FOXP2: variants seen among roughly 807,000 people sequenced by gnomAD.
FOXP2 encodes the protein forkhead box protein P2.
In FOXP2, 12 loss-of-function variants were observed where a neutral mutation model predicts 115.8. That is an observed-to-expected ratio of 0.10 (90% CI 0.07 to 0.17). FOXP2 has a LOEUF of 0.17. FOXP2 is among the 10% of genes least tolerant of loss of function. FOXP2 has a pLI of 1.00. For synonymous variants in FOXP2, 328 were observed against 297.7 expected (o/e 1.10, Z -1.05); for missense variants, 629 against 843.5 (o/e 0.75, Z 3.15).
intron 3 of FOXP2, among the ~76,000 whole-genome samples, chr7:114,594,263 A>G (rs1250247540): frequency 1.3e-5 from 2 of 152,046 alleles, no homozygotes; most frequent in Non-Finnish European, 2.9e-5. Context: ...AAGTTCACCT[A>G]TTAAATTTGC....
Position 114,690,074 on chromosome 7 carries a change from C to A in FOXP2, c.*148C>A. 2 of 922,628 alleles carry A rather than the reference C, an allele frequency of 2.2e-6. No individual in the cohort carries two copies. The highest frequency in any genetic ancestry group is 2.6e-5 in the East Asian group (1 of 38,696). 57.2% of individuals were successfully genotyped at this position (922,628 alleles called of 1,614,324 possible). A position where few individuals can be genotyped will look rare whatever the true frequency, so the allele number is the denominator to read the frequency against. On this transcript the variant is annotated 3_prime_UTR_variant, in exon 17 of 17. Coordinates refer to ENST00000350908, the MANE Select transcript of FOXP2 (RefSeq NM_014491.4). ...GCCCTAAAGGAACTTACTAAGCCAG[C>A]CCTTTGGGATTCAGTACCAACAGGC...
At chr7:114,384,940 T>G (rs868250825) in intron 2 of FOXP2, among the ~76,000 whole-genome samples, 1 of 152,038 alleles carries the variant, frequency 6.6e-6, no homozygotes, top group South Asian at 2.1e-4. Flanking sequence ...AATTATAGGT[T>G]TTAAATTTAC....
chr7:114,583,216 A>T (rs144432712), intron 3 of FOXP2, among the ~76,000 whole-genome samples: 28 of 151,978 alleles, frequency 1.8e-4, no homozygotes, highest in African/African-American at 6.8e-4. Context: ...ACCCGCCTCT[A>T]CTAAAACCCA....
At chr7:114,518,886 A>T (rs1798475962) in intron 2 of FOXP2, among the ~76,000 whole-genome samples, 1 of 152,204 alleles carries the variant, frequency 6.6e-6, no homozygotes, top group East Asian at 1.9e-4. Flanking sequence ...GTAAGTAGAC[A>T]TAGAAATGAC....
chr7:114,681,482 A>G (rs531436306), intron 16 of FOXP2, among the ~76,000 whole-genome samples: 8 of 152,316 alleles, frequency 5.3e-5, no homozygotes, highest in African/African-American at 1.9e-4. Context: ...AATGTGATGC[A>G]GGCCTGGATC....
intron 2 of FOXP2, among the ~76,000 whole-genome samples, chr7:114,321,573 A>C (rs1318240337): frequency 6.6e-6 from 1 of 152,088 alleles, no homozygotes; most frequent in Non-Finnish European, 1.5e-5. Context: ...TGCTACAAAC[A>C]ATTGTTTAGA....
chr7:114,327,341 T>A (rs1797582186), intron 2 of FOXP2, among the ~76,000 whole-genome samples: 1 of 152,206 alleles, frequency 6.6e-6, no homozygotes. Flanking sequence ...AGCATTAAAA[T>A]TCTTATCTGG....
intron 1 of FOXP2, among the ~76,000 whole-genome samples, chr7:114,212,990 T>A (rs1399769789): frequency 6.6e-6 from 1 of 152,228 alleles, no homozygotes; most frequent in African/African-American, 2.4e-5. Context: ...AAGCCCTTGA[T>A]AAATGGTTGC....
At chr7:114,650,786 C>G (rs1028376936) in intron 8 of FOXP2, among the ~76,000 whole-genome samples, 7 of 151,890 alleles carry the variant, frequency 4.6e-5, no homozygotes, top group African/African-American at 1.7e-4. Context: ...CCTTATCCAC[C>G]TTGCTATTTT....
intron 3 of FOXP2, among the ~76,000 whole-genome samples, chr7:114,612,585 A>G (rs1355001023): frequency 1.3e-5 from 2 of 152,120 alleles, no homozygotes; most frequent in Non-Finnish European, 2.9e-5. Context: ...CTTTTGAGGG[A>G]AATGTGATGA....
intron 3 of FOXP2, among the ~76,000 whole-genome samples, chr7:114,588,379 A>G (rs1355202770): frequency 6.6e-6 from 1 of 152,114 alleles, no homozygotes; most frequent in African/African-American, 2.4e-5. Context: ...TAATGCCTGC[A>G]TGTTTAAAAG....
intron 1 of FOXP2, among the ~76,000 whole-genome samples, chr7:114,287,236 A>G (rs1316685255): frequency 6.6e-6 from 1 of 151,852 alleles, no homozygotes; most frequent in East Asian, 1.9e-4. Flanking sequence ...AACACTAACG[A>G]TAGCTGATGA....
intron 3 of FOXP2, among the ~76,000 whole-genome samples, chr7:114,607,918 T>A (rs1003789999): frequency 6.6e-6 from 1 of 152,226 alleles, no homozygotes; most frequent in Non-Finnish European, 1.5e-5. Context: ...AATTTTACAA[T>A]TTTTTATCAA....
chr7:114,156,980 G>A (rs1021179802), intron 1 of FOXP2, among the ~76,000 whole-genome samples: 8 of 152,004 alleles, frequency 5.3e-5, no homozygotes, highest in Admixed American at 5.2e-4. Context: ...TGACTTGGTT[G>A]GCATGAGACA....
At chr7:114,590,735 G>A (rs1234592390) in intron 3 of FOXP2, among the ~76,000 whole-genome samples, 2 of 152,078 alleles carry the variant, frequency 1.3e-5, no homozygotes, top group Admixed American at 1.3e-4. Context: ...TGGGCAGCGG[G>A]GAAGATGATG....
chr7:114,497,977 G>A (rs1797397517), intron 2 of FOXP2, among the ~76,000 whole-genome samples: 1 of 152,056 alleles, frequency 6.6e-6, no homozygotes, highest in African/African-American at 2.4e-5. Flanking sequence ...ATGACTACAG[G>A]TTGACTTGAA....
chr7:114,496,009 A>G (rs892584198), intron 2 of FOXP2, among the ~76,000 whole-genome samples: 7 of 152,216 alleles, frequency 4.6e-5, no homozygotes, highest in Non-Finnish European at 8.8e-5. Flanking sequence ...ATATAAACCA[A>G]TATTATGTGT....
chr7:114,609,824 A>G (rs185919818), intron 3 of FOXP2, among the ~76,000 whole-genome samples: 5 of 152,246 alleles, frequency 3.3e-5, no homozygotes, highest in Admixed American at 2.0e-4. Context: ...CAACATTCCC[A>G]TTGTCAGCTC....
chr7:114,415,556 T>A (rs1793302408), intron 1 of FOXP2, among the ~76,000 whole-genome samples, 196 bp downstream of exon 1: 1 of 151,810 alleles, frequency 6.6e-6, no homozygotes, highest in Admixed American at 6.6e-5. Context: ...CTGTTTTTGA[T>A]CTGTCAGTAG....
Sources: allele counts gnomAD v4.1 joint callset (sites outside exome capture counted in the v4.1 genomes callset), GRCh38; gene constraint gnomAD v4.1.1; transcripts MANE v1.5; gene names NCBI Gene and HGNC (gene_info 2026-07-23, HGNC 2026-07-21).